ARHGAP20: variants seen among roughly 807,000 people sequenced by gnomAD.
The protein encoded by ARHGAP20 is Rho GTPase activating protein 20, also known as rho GTPase-activating protein 20.
ARHGAP20 carries 34 observed loss-of-function variants against 73.7 expected under a neutral mutation model. The ratio of observed to expected loss-of-function variants is 0.46; its 90% CI spans 0.35 to 0.61. The LOEUF is 0.61. Ranked by LOEUF, ARHGAP20 falls within the 20% of genes least tolerant of loss-of-function variation. The pLI is 0.00. For missense variants in ARHGAP20, 1,314 were observed against 1,420.9 expected, an observed-to-expected ratio of 0.92 and a Z score of 1.21; for synonymous variants, 523 against 518.2, an observed-to-expected ratio of 1.01 and a Z score of -0.13.
intron 1 of ARHGAP20, among the ~76,000 whole-genome samples, chr11:110,695,389 G>A (rs1359894948): frequency 6.6e-6 from 1 of 151,506 alleles, no homozygotes; most frequent in African/African-American, 2.4e-5. Flanking sequence ...CATTAAGAAA[G>A]TGAAAAGACA....
intron 2 of ARHGAP20, among the ~76,000 whole-genome samples, chr11:110,684,993 G>C (rs1950104293): frequency 2.0e-5 from 3 of 152,016 alleles, no homozygotes; most frequent in African/African-American, 7.2e-5. Flanking sequence ...GGGTTCAATA[G>C]AAGCTCAAAC....
intron 9 of ARHGAP20, among the ~76,000 whole-genome samples, chr11:110,603,504 T>C (rs1948155362): frequency 6.6e-6 from 1 of 152,220 alleles, no homozygotes; most frequent in South Asian, 2.1e-4. Flanking sequence ...CTGCTTTATA[T>C]ACTTCTTGTG....
At position 110,577,843 on chromosome 11, in the gene ARHGAP20, T is replaced by C. The variant is rs549274058; in HGVS notation, c.*1527A>G. 2.3e-4 allele frequency: 225 copies of C among 985,748 alleles called. No homozygotes were observed. In the African/African-American group the frequency reaches 3.7e-3, roughly 16 times the overall value. The allele number at this position is 985,748 out of a possible 1,614,324, so 61.1% of individuals were successfully genotyped here. A position where few individuals can be genotyped will look rare whatever the true frequency, so the allele number is the denominator to read the frequency against. ...TCTTCTATCTTAGAGAAAATATTTT[T>C]TCCCCTATAACTGAAAATGCAACCT... On this transcript the variant is annotated 3_prime_UTR_variant, in exon 15 of 15. Transcript: ENST00000683387.
chr11:110,650,602 T>C (rs1259215198), intron 2 of ARHGAP20, among the ~76,000 whole-genome samples: 2 of 152,102 alleles, frequency 1.3e-5, no homozygotes, highest in African/African-American at 4.8e-5. Flanking sequence ...TCCACACCAC[T>C]CTATTGCTGG....
At chr11:110,587,958 G>A (rs1036451568) in intron 11 of ARHGAP20, among the ~76,000 whole-genome samples, 5 of 152,134 alleles carry the variant, frequency 3.3e-5, no homozygotes, top group African/African-American at 1.2e-4. Flanking sequence ...ACCCACTTTA[G>A]AAGTTAGATT....
intron 1 of ARHGAP20, among the ~76,000 whole-genome samples, chr11:110,706,035 C>T (rs1950547381): frequency 6.6e-6 from 1 of 152,094 alleles, no homozygotes; most frequent in Non-Finnish European, 1.5e-5. Flanking sequence ...TCAATGTTTA[C>T]CTAATATTTA....
At chr11:110,712,089 G>T (rs1397874665) in intron 1 of ARHGAP20, 38 bp downstream of exon 1, 2 of 1,266,928 alleles carry the variant, frequency 1.6e-6, no homozygotes, top group Non-Finnish European at 2.0e-6. Flanking sequence ...TGGGGGCTGC[G>T]GCGGCGGAGG....
At chr11:110,656,419 T>A (rs1949467691) in intron 2 of ARHGAP20, among the ~76,000 whole-genome samples, 1 of 152,138 alleles carries the variant, frequency 6.6e-6, no homozygotes, top group African/African-American at 2.4e-5. Flanking sequence ...GTAGCAGACC[T>A]CCGCTTTGTA....
At chr11:110,705,227 C>A (rs1203237857) in intron 1 of ARHGAP20, among the ~76,000 whole-genome samples, 1 of 152,128 alleles carries the variant, frequency 6.6e-6, no homozygotes, top group African/African-American at 2.4e-5. Flanking sequence ...ATTCAGTCTT[C>A]TAAGTTATTG....
intron 1 of ARHGAP20, among the ~76,000 whole-genome samples, chr11:110,699,586 G>A (rs1169055129): frequency 6.6e-6 from 1 of 151,978 alleles, no homozygotes; most frequent in Non-Finnish European, 1.5e-5. Context: ...GTGTTCTGGT[G>A]TTAGGTGCAT....
chr11:110,582,627 G>A (rs529416629), intron 13 of ARHGAP20, among the ~76,000 whole-genome samples, 192 bp from the exon 14 acceptor site: 23 of 152,324 alleles, frequency 1.5e-4, no homozygotes, highest in Non-Finnish European at 4.4e-5. Context: ...GCATAGAAAT[G>A]TAATCAGTGG....
chr11:110,587,469 A>G (rs1947700882), intron 11 of ARHGAP20, among the ~76,000 whole-genome samples: 1 of 152,208 alleles, frequency 6.6e-6, no homozygotes, highest in Admixed American at 6.5e-5. Flanking sequence ...TGCTACTTAG[A>G]TATCATGTTT....
chr11:110,611,759 T>TA (rs1176230108), intron 6 of ARHGAP20, among the ~76,000 whole-genome samples: 1 of 152,072 alleles, frequency 6.6e-6, no homozygotes, highest in East Asian at 1.9e-4. Flanking sequence ...CAATGGGTAA[T>TA]AAAAAAAGGC....
intron 9 of ARHGAP20, among the ~76,000 whole-genome samples, chr11:110,597,283 A>T (rs1204557221): frequency 7.1e-6 from 1 of 140,614 alleles, no homozygotes; most frequent in African/African-American, 2.9e-5. Context: ...AAAGTATAAT[A>T]ATAATAAAAT....
intron 2 of ARHGAP20, among the ~76,000 whole-genome samples, chr11:110,670,991 G>A (rs895537576): frequency 1.3e-5 from 2 of 151,932 alleles, no homozygotes; most frequent in Non-Finnish European, 2.9e-5. Context: ...AGTACTCTAG[G>A]TAAAAGCTAA....
chr11:110,635,600 G>A (rs921863958), intron 2 of ARHGAP20, among the ~76,000 whole-genome samples: 3 of 151,956 alleles, frequency 2.0e-5, no homozygotes, highest in Non-Finnish European at 2.9e-5. Context: ...TTCAAGAAGC[G>A]AAGTCTATTA....
chr11:110,642,978 C>T (rs1398204263), intron 2 of ARHGAP20, among the ~76,000 whole-genome samples: 1 of 151,946 alleles, frequency 6.6e-6, no homozygotes, highest in African/African-American at 2.4e-5. Context: ...GTCTGCTCAG[C>T]GTTTCAGTTT....
intron 3 of ARHGAP20, among the ~76,000 whole-genome samples, chr11:110,626,784 T>C (rs1565446325): frequency 6.6e-6 from 1 of 152,222 alleles, no homozygotes; most frequent in East Asian, 1.9e-4. Flanking sequence ...ATGTGGCTAT[T>C]ATGGAGGCTG....
intron 2 of ARHGAP20, among the ~76,000 whole-genome samples, chr11:110,665,539 C>G (rs1949706844): frequency 6.6e-6 from 1 of 152,122 alleles, no homozygotes; most frequent in African/African-American, 2.4e-5. Flanking sequence ...GCAGCCTAGA[C>G]AGAGATTCTA....
Sources: gnomAD v4.1 joint callset for allele counts (sites outside exome capture counted in the v4.1 genomes callset) on GRCh38, gnomAD v4.1.1 for gene constraint, MANE v1.5 for transcripts, NCBI Gene and HGNC (gene_info 2026-07-23, HGNC 2026-07-21) for gene names.